The following PRKAR2B variants were observed in gnomAD, a reference collection of about 807,000 sequenced individuals.
PRKAR2B encodes cAMP-dependent protein kinase type II-beta regulatory subunit.
PRKAR2B carries 14 observed loss-of-function variants against 49.9 expected under a neutral mutation model. The observed-to-expected ratio is 0.28, with a 90% confidence interval of 0.19 to 0.44. PRKAR2B has a LOEUF of 0.44. PRKAR2B is among the 20% of genes least tolerant of loss of function. The pLI, the probability that PRKAR2B is intolerant of heterozygous loss-of-function variation, is 1.00. For synonymous variants in PRKAR2B, 196 were observed against 197.7 expected (o/e 0.99, Z 0.07); for missense variants, 393 against 537.9 (o/e 0.73, Z 2.67).
intron 2 of PRKAR2B, among the ~76,000 whole-genome samples, chr7:107,110,586 G>A (rs1346598349): frequency 6.6e-6 from 1 of 151,774 alleles, no homozygotes; most frequent in Non-Finnish European, 1.5e-5. Context: ...CCACAGTAGG[G>A]TAGGGTGGTA....
intron 2 of PRKAR2B, among the ~76,000 whole-genome samples, chr7:107,073,856 T>C (rs1794335159): frequency 6.6e-6 from 1 of 151,756 alleles, no homozygotes; most frequent in Non-Finnish European, 1.5e-5. Context: ...AGGTCAGGAG[T>C]TCGAGACCAG....
chr7:107,045,243 C>T, intron 1 of PRKAR2B, 29 bp downstream of exon 1: 1 of 1,399,560 alleles, frequency 7.1e-7, no homozygotes, highest in Non-Finnish European at 9.3e-7. Context: ...ACTTCGCGCC[C>T]CCGGATCCCC....
At chr7:107,091,637 C>G (rs560074765) in intron 2 of PRKAR2B, 1 of 152,296 alleles carries the variant, frequency 6.6e-6, no homozygotes, top group African/African-American at 2.4e-5. Context: ...ATCCATTTTG[C>G]ATATAACATG....
At chr7:107,111,920 A>G (rs1373549085) in intron 2 of PRKAR2B, among the ~76,000 whole-genome samples, 1 of 144,916 alleles carries the variant, frequency 6.9e-6, no homozygotes, top group Non-Finnish European at 1.5e-5. Context: ...TAATCGTAGC[A>G]TGTTTGGAGG....
At chr7:107,126,574 C>T (rs923507388) in intron 3 of PRKAR2B, among the ~76,000 whole-genome samples, 13 of 152,016 alleles carry the variant, frequency 8.6e-5, no homozygotes, top group African/African-American at 7.3e-5. Context: ...AGCAGGTGCA[C>T]GATACTGATG....
At chr7:107,114,654 G>A (rs1461807308) in intron 2 of PRKAR2B, among the ~76,000 whole-genome samples, 1 of 151,550 alleles carries the variant, frequency 6.6e-6, no homozygotes, top group Non-Finnish European at 1.5e-5. Context: ...ACTGACGTGA[G>A]CCACCATGCC....
At chr7:107,123,436 G>A (rs753316514) in intron 3 of PRKAR2B, among the ~76,000 whole-genome samples, 11 of 152,198 alleles carry the variant, frequency 7.2e-5, no homozygotes, top group Non-Finnish European at 1.5e-4. Context: ...AAACACTGGG[G>A]AGAGATTATC....
chr7:107,145,210 C>T (rs910019342), intron 5 of PRKAR2B, among the ~76,000 whole-genome samples: 1 of 152,160 alleles, frequency 6.6e-6, no homozygotes, highest in African/African-American at 2.4e-5. Flanking sequence ...GTTGTAACTA[C>T]TCAACTCTGC....
intron 2 of PRKAR2B, chr7:107,077,463 A>C (rs1267021448): frequency 6.6e-6 from 1 of 152,172 alleles, no homozygotes; most frequent in Admixed American, 6.5e-5. Context: ...GCTGTCTTTA[A>C]GGTTTATAAC....
chr7:107,074,351 G>A (rs1016537711), intron 2 of PRKAR2B, among the ~76,000 whole-genome samples: 3 of 151,916 alleles, frequency 2.0e-5, no homozygotes, highest in Non-Finnish European at 2.9e-5. Context: ...TGATCTGCCC[G>A]CCTTGGCCTC....
chr7:107,059,899 C>T (rs1452379406), intron 1 of PRKAR2B, among the ~76,000 whole-genome samples: 6 of 152,044 alleles, frequency 3.9e-5, no homozygotes, highest in East Asian at 1.9e-4. Context: ...TGATAGCTTA[C>T]GGTGGAGTTT....
At chr7:107,047,114 CT>C (rs1793713535) in intron 1 of PRKAR2B, among the ~76,000 whole-genome samples, 1 of 152,134 alleles carries the variant, frequency 6.6e-6, no homozygotes, top group African/African-American at 2.4e-5. Context: ...AACAATTGCA[CT>C]ATTTACTCCC....
chr7:107,155,139 C>T (rs1368989087), intron 8 of PRKAR2B, among the ~76,000 whole-genome samples: 1 of 152,216 alleles, frequency 6.6e-6, no homozygotes, highest in Non-Finnish European at 1.5e-5. Context: ...CTGGCATACA[C>T]AGCAGTGTTG....
chr7:107,100,074 C>T (rs1248202947), intron 2 of PRKAR2B, among the ~76,000 whole-genome samples: 1 of 151,888 alleles, frequency 6.6e-6, no homozygotes, highest in Non-Finnish European at 1.5e-5. Context: ...CTGTGGGTCA[C>T]ATATTTACCT....
intron 2 of PRKAR2B, among the ~76,000 whole-genome samples, chr7:107,099,041 AGC>A (rs1794904569): frequency 6.6e-6 from 1 of 152,156 alleles, no homozygotes; most frequent in South Asian, 2.1e-4. Context: ...CTCTCTTCAA[AGC>A]TGTCAGACAG....
chr7:107,133,956 A>G lies in PRKAR2B; in HGVS notation c.480+5661A>G, dbSNP rs544432873. ...TTGTATATTTTTGCAGGGTCATGCAATGCACATACAAATATATTCTTTTTC... is the reference window on the plus strand; with the variant it reads ...TTGTATATTTTTGCAGGGTCATGCAGTGCACATACAAATATATTCTTTTTC... On this transcript the variant is annotated intron_variant, in intron 4 of 10. Transcript: ENST00000265717. Among the ~76,000 whole-genome samples the G allele has an allele frequency of 5.9e-5, 9 of 152,248 alleles. No homozygotes were observed. In the South Asian group the frequency reaches 1.7e-3, roughly 28 times the overall value.
intron 4 of PRKAR2B, among the ~76,000 whole-genome samples, 184 bp downstream of exon 4, chr7:107,128,479 G>A (rs545600362): frequency 2.6e-5 from 4 of 152,106 alleles, no homozygotes; most frequent in Non-Finnish European, 1.5e-5. Flanking sequence ...TATTGAGTTT[G>A]GGGGAATATA....
intron 6 of PRKAR2B, among the ~76,000 whole-genome samples, chr7:107,148,154 A>C (rs1795924622): frequency 6.6e-6 from 1 of 152,226 alleles, no homozygotes; most frequent in African/African-American, 2.4e-5. Context: ...TCCTTCACCC[A>C]CAGAAGTCTT....
chr7:107,112,335 C>T (rs1306302474), intron 2 of PRKAR2B, among the ~76,000 whole-genome samples: 1 of 151,826 alleles, frequency 6.6e-6, no homozygotes, highest in Non-Finnish European at 1.5e-5. Flanking sequence ...GTCTTTATAT[C>T]ACATCATTTT....
Sources: gnomAD v4.1 joint callset for allele counts (sites outside exome capture counted in the v4.1 genomes callset) on GRCh38, gnomAD v4.1.1 for gene constraint, MANE v1.5 for transcripts, NCBI Gene and HGNC (gene_info 2026-07-23, HGNC 2026-07-21) for gene names.